The following DPP10 variants were observed in gnomAD, a reference collection of about 807,000 sequenced individuals.
DPP10 encodes inactive dipeptidyl peptidase 10.
DPP10 carries 33 observed loss-of-function variants against 120.9 expected under a neutral mutation model. That is an observed-to-expected ratio of 0.27 (90% CI 0.21 to 0.37). DPP10 has a LOEUF of 0.37. Among genes scored for constraint, DPP10 ranks in the 10% least tolerant of loss-of-function variants. DPP10 has a pLI of 1.00. For missense variants in DPP10, 816 were observed against 942.8 expected (o/e 0.87, Z 1.76); for synonymous variants, 337 against 326.1 (o/e 1.03, Z -0.36).
intron 7 of DPP10, among the ~76,000 whole-genome samples, chr2:115,719,103 A>T (rs2092579309): frequency 6.6e-6 from 1 of 152,184 alleles, no homozygotes; most frequent in Non-Finnish European, 1.5e-5. Flanking sequence ...TTATGAACTG[A>T]CATAGCCAAG....
chr2:114,965,703 G>A (rs1698960205), intron 1 of DPP10, among the ~76,000 whole-genome samples: 1 of 151,938 alleles, frequency 6.6e-6, no homozygotes, highest in Non-Finnish European at 1.5e-5. Flanking sequence ...AGGAGGCCGG[G>A]CGCGGTGGCT....
chr2:114,870,415 G>A (rs1219560495), intron 1 of DPP10, among the ~76,000 whole-genome samples: 1 of 151,614 alleles, frequency 6.6e-6, no homozygotes, highest in African/African-American at 2.4e-5. Context: ...ATTGTAAACA[G>A]TATTGAGTAT....
rs532120759 is a variant in DPP10, at chr2:115,837,713, C to G, written c.2182+967C>G. ...TGATGTAGTGGGGATGGCACTTTACCTCCATGGTTTAGTACTCCAAGCCCA... is the reference window on the plus strand; with the variant it reads ...TGATGTAGTGGGGATGGCACTTTACGTCCATGGTTTAGTACTCCAAGCCCA... On this transcript the variant is annotated intron_variant, in intron 24 of 25. Coordinates refer to ENST00000410059, the MANE Select transcript of DPP10 (RefSeq NM_020868.6). Among the ~76,000 whole-genome samples the G allele has an allele frequency of 2.0e-5, 3 of 152,132 alleles. No individual in the cohort carries two copies. In the South Asian group the frequency reaches 6.2e-4, roughly 32 times the overall value.
intron 4 of DPP10, among the ~76,000 whole-genome samples, chr2:115,517,925 C>T (rs951100450): frequency 3.3e-5 from 5 of 152,098 alleles, no homozygotes; most frequent in Non-Finnish European, 5.9e-5. Context: ...GTAGACTGTG[C>T]GAAAAGCATG....
At chr2:114,862,669 ATG>A (rs1203956807) in intron 1 of DPP10, among the ~76,000 whole-genome samples, 4 of 152,238 alleles carry the variant, frequency 2.6e-5, no homozygotes, top group African/African-American at 9.6e-5. Context: ...TCAGAAATAA[ATG>A]TGAAAGCTAT....
intron 1 of DPP10, among the ~76,000 whole-genome samples, chr2:114,765,307 C>T (rs1293582510): frequency 6.6e-6 from 1 of 152,146 alleles, no homozygotes; most frequent in Non-Finnish European, 1.5e-5. Flanking sequence ...CATAGATTCA[C>T]TCAATTTTTT....
intron 1 of DPP10, among the ~76,000 whole-genome samples, chr2:115,009,774 A>T (rs1702129532): frequency 6.6e-6 from 1 of 152,160 alleles, no homozygotes; most frequent in Admixed American, 6.5e-5. Context: ...TTAAAGTATA[A>T]TTTTAAAAAA....
Position 114,668,414 on chromosome 2 carries a change from T to A in DPP10, c.60+225576T>A, listed in dbSNP as rs140097731. On this transcript the variant is annotated intron_variant, in intron 1 of 25. Coordinates refer to ENST00000410059, the MANE Select transcript of DPP10 (RefSeq NM_020868.6). Reference sequence around the variant, plus strand: ...TCTCTTCAGGCCTTTAAAGATTGGATAATGCCTGCCTACATTTGGGAGGAA... The same window carrying A: ...TCTCTTCAGGCCTTTAAAGATTGGAAAATGCCTGCCTACATTTGGGAGGAA... Among the ~76,000 whole-genome samples, 73 of 152,338 alleles carry A rather than the reference T, an allele frequency of 4.8e-4. No individual in the cohort carries two copies. The East Asian group carries it at 0.014, about 29-fold the overall frequency.
At chr2:114,931,729 C>T (rs762288014) in intron 1 of DPP10, among the ~76,000 whole-genome samples, 2 of 152,160 alleles carry the variant, frequency 1.3e-5, no homozygotes, top group Non-Finnish European at 2.9e-5. Flanking sequence ...TTACTAACTG[C>T]CTGTCCTTTG....
At chr2:114,834,816 G>GTCTACACACCTATGTATATATAAGACATA (rs1687544323) in intron 1 of DPP10, among the ~76,000 whole-genome samples, 2 of 130,100 alleles carry the variant, frequency 1.5e-5, no homozygotes, top group Admixed American at 7.4e-5. Flanking sequence ...TATAAGCCAT[G>GTCTACACACCTATGTATATATAAGACATA]TCTACACACC....
chr2:114,578,073 TCAA>T (rs1400254209), intron 1 of DPP10, among the ~76,000 whole-genome samples: 1 of 152,198 alleles, frequency 6.6e-6, no homozygotes, highest in African/African-American at 2.4e-5. Flanking sequence ...TATAAATTTG[TCAA>T]CAAGTTCTAA....
At position 114,563,132 on chromosome 2, in the gene DPP10, G is replaced by C. The variant is rs191470961; in HGVS notation, c.60+120294G>C. Among the ~76,000 whole-genome samples the C allele has an allele frequency of 1.8e-3, 281 of 152,296 alleles. 6 individuals carry two copies. The highest frequency in any genetic ancestry group is 1.9e-3 in the East Asian group (10 of 5,174). On this transcript the variant is annotated intron_variant, in intron 1 of 25. Coordinates refer to ENST00000410059, the MANE Select transcript of DPP10 (RefSeq NM_020868.6). ...CTCACGCCTGTAATCCCAGTACTTT[G>C]GGAGGCCAAGGCGGGCGGATCATAA...
chr2:115,269,624 C>T (rs2059605926), intron 1 of DPP10, among the ~76,000 whole-genome samples: 1 of 152,114 alleles, frequency 6.6e-6, no homozygotes, highest in South Asian at 2.1e-4. Flanking sequence ...GGGACTTTCT[C>T]ATGACATGGC....
rs565885984 is a variant in DPP10, at chr2:114,637,644, C to G, written c.60+194806C>G. Among the ~76,000 whole-genome samples, 4 of 151,936 alleles carry G rather than the reference C, an allele frequency of 2.6e-5. No homozygotes were observed. The South Asian group carries it at 8.3e-4, about 31-fold the overall frequency. On this transcript the variant is annotated intron_variant, in intron 1 of 25. Transcript: ENST00000410059. ...TCTCACATTTAAATCTTTAATCCATCTTGAGTTAATTTTTATATGTGCTGA... is the reference window on the plus strand; with the variant it reads ...TCTCACATTTAAATCTTTAATCCATGTTGAGTTAATTTTTATATGTGCTGA...
chr2:114,621,529 A>G (rs1370673411), intron 1 of DPP10, among the ~76,000 whole-genome samples: 1 of 152,056 alleles, frequency 6.6e-6, no homozygotes. Context: ...CTAACCTCTT[A>G]ATGACTATTT....
chr2:114,975,703 T>G (rs1389612284), intron 1 of DPP10, among the ~76,000 whole-genome samples: 1 of 152,088 alleles, frequency 6.6e-6, no homozygotes, highest in African/African-American at 2.4e-5. Context: ...CAGGCTGGAG[T>G]GCAGTGGTGC....
chr2:114,773,096 T>C (rs1681414419), intron 1 of DPP10, among the ~76,000 whole-genome samples: 1 of 152,174 alleles, frequency 6.6e-6, no homozygotes. Flanking sequence ...TTAGAACATC[T>C]GGTAGAAGAA....
chr2:115,569,111 C>T (rs867988619), intron 5 of DPP10, among the ~76,000 whole-genome samples: 2 of 152,138 alleles, frequency 1.3e-5, no homozygotes, highest in South Asian at 4.1e-4. Context: ...TTTCACCACC[C>T]CTTAGTTCAC....
intron 1 of DPP10, among the ~76,000 whole-genome samples, chr2:115,297,891 G>A: frequency 6.6e-6 from 1 of 152,152 alleles, no homozygotes; most frequent in East Asian, 1.9e-4. Context: ...GTTCCAGTCT[G>A]TAGATCACTG....
Sources: gnomAD v4.1 joint callset for allele counts (sites outside exome capture counted in the v4.1 genomes callset) on GRCh38, gnomAD v4.1.1 for gene constraint, MANE v1.5 for transcripts, NCBI Gene and HGNC (gene_info 2026-07-23, HGNC 2026-07-21) for gene names.